Variants in MTFR1 observed in about 807,000 individuals in gnomAD.
The protein encoded by MTFR1 is chondrocyte protein with a poly-proline region.
A neutral mutation model predicts 38.8 loss-of-function variants in MTFR1; 28 were observed. The observed-to-expected ratio is 0.72, with a 90% CI of 0.53 to 0.99. The LOEUF is 0.99. MTFR1 is among the 50% of genes least tolerant of loss of function. The pLI is 0.00. For missense variants in MTFR1, 358 were observed against 395.5 expected (o/e 0.91, Z 0.81); for synonymous variants, 145 against 137.0 (o/e 1.06, Z -0.41).
chr8:65,686,735 C>T (rs898179206), intron 3 of MTFR1, among the ~76,000 whole-genome samples: 6 of 151,970 alleles, frequency 3.9e-5, no homozygotes, highest in African/African-American at 1.5e-4. Context: ...CCAGCTCGGC[C>T]ACTGTGGTGA....
At chr8:65,751,716 T>C (rs1230243646) in intron 3 of MTFR1, among the ~76,000 whole-genome samples, 1 of 152,198 alleles carries the variant, frequency 6.6e-6, no homozygotes, top group African/African-American at 2.4e-5. Flanking sequence ...GGTCTCGAAC[T>C]CCCGACCTCA....
rs140777926 is a variant in MTFR1, at chr8:65,669,994, A to G, written c.42A>G (p.Gln14=). 3.4e-3 allele frequency: 5,475 copies of G among 1,606,022 alleles called. 17 individuals carry two copies. The highest frequency in any genetic ancestry group is 4.0e-3 in the Non-Finnish European group (4,747 of 1,178,530). The stretch of plus-strand genomic sequence containing the variant: ...AGCGCCTAATTAGGATGGTTTTTCA[A>G]CAAGTTGGAGTAAGCATGCAATCGG... The part of the protein sequence containing the change: ...WIKRLIRMVF[Q]QVGVSMQSVL... Residue 14 remains glutamine, a synonymous_variant, in exon 2 of 8, where the codon CAA becomes CAG. Transcript: ENST00000262146.
chr8:65,681,073 C>T (rs1349494379), intron 2 of MTFR1, among the ~76,000 whole-genome samples: 2 of 151,518 alleles, frequency 1.3e-5, no homozygotes, highest in Admixed American at 6.6e-5. Flanking sequence ...CCACCGTGCC[C>T]GGCTAATTTT....
intron 3 of MTFR1, among the ~76,000 whole-genome samples, chr8:65,730,171 C>CTTTTTTTTTTTTTTTTTTTTTTTTTTTTT (rs1179431555): frequency 1.2e-5 from 1 of 86,448 alleles, no homozygotes; most frequent in Non-Finnish European, 2.1e-5. Flanking sequence ...TTGCGCACTT[C>CTTTTTTTTTTTTTTTTTTTTTTTTTTTTT]TTTTTTTTTT....
chr8:65,677,384 CT>C (rs771296415), intron 2 of MTFR1, among the ~76,000 whole-genome samples: 2,021 of 104,678 alleles, frequency 0.019, 33 homozygotes, highest in African/African-American at 0.063. Flanking sequence ...TTAGCTGTTT[CT>C]TTTTTTTTTT....
At chr8:65,758,865 A>T (rs1173207632) in intron 3 of MTFR1, among the ~76,000 whole-genome samples, 1 of 152,160 alleles carries the variant, frequency 6.6e-6, no homozygotes, top group Non-Finnish European at 1.5e-5. Flanking sequence ...GTAGCCCCCC[A>T]GGGCTACCAG....
rs1554545338 is a variant in MTFR1, at chr8:65,655,951, A to AATAT, written c.-81+11181_-81+11184dup. ...AGCAAGACTCTGTCTTAAAAAAAAA[A>AATAT]ATATATATATATATATACCATATAT... On this transcript the variant is annotated intron_variant, in intron 1 of 7. Coordinates refer to ENST00000262146, the MANE Select transcript of MTFR1 (RefSeq NM_014637.4). Among the ~76,000 whole-genome samples the AATAT allele has an allele frequency of 1.1e-3, 62 of 55,368 alleles. 1 individual carries two copies. Among genetic ancestry groups the AATAT allele is most frequent in the African/African-American group, 7.9e-3 (59 of 7,424 alleles). 36.3% of individuals were successfully genotyped at this position (55,368 alleles called of 152,430 possible).
chr8:65,684,629 T>C (rs142396974), intron 3 of MTFR1, among the ~76,000 whole-genome samples: 102 of 151,054 alleles, frequency 6.8e-4, no homozygotes, highest in African/African-American at 2.4e-3. Flanking sequence ...AGGTGATCCA[T>C]CCGCCTCAGG....
intron 3 of MTFR1, among the ~76,000 whole-genome samples, chr8:65,749,895 G>A (rs1367337496): frequency 6.6e-6 from 1 of 152,162 alleles, no homozygotes; most frequent in Non-Finnish European, 1.5e-5. Flanking sequence ...CTTTATTTCA[G>A]ATGAAGATAT....
chr8:65,709,107 A>G lies in MTFR1; in HGVS notation c.*63A>G. 1 of 1,457,222 alleles carries G rather than the reference A, an allele frequency of 6.9e-7. No individual in the cohort carries two copies. The allele number at this position is 1,457,222 out of a possible 1,614,324, so 90.3% of individuals were successfully genotyped here. On this transcript the variant is annotated 3_prime_UTR_variant, in exon 8 of 8. Coordinates refer to ENST00000262146, the MANE Select transcript of MTFR1 (RefSeq NM_014637.4). ...TTGATTTGTGAGGGCCAAGTTTGCT[A>G]GTAGAAATCGACACTGTTTAGTAAA...
intron 3 of MTFR1, chr8:65,724,649 T>G (rs1437047663): frequency 1.3e-6 from 1 of 794,936 alleles, no homozygotes; most frequent in Admixed American, 2.7e-5. Context: ...GTGCGCTAAT[T>G]GAAGGAAATT....
intron 1 of MTFR1, among the ~76,000 whole-genome samples, chr8:65,659,015 G>A (rs754176192): frequency 2.0e-5 from 3 of 152,096 alleles, no homozygotes; most frequent in Non-Finnish European, 4.4e-5. Flanking sequence ...GTAAGCCAGG[G>A]GAGTTCAGTA....
intron 3 of MTFR1, among the ~76,000 whole-genome samples, chr8:65,754,723 T>G (rs920264893): frequency 1.3e-5 from 2 of 150,366 alleles, no homozygotes; most frequent in Non-Finnish European, 3.0e-5. Context: ...TCCCAGCACT[T>G]TGGGAGGCTG....
chr8:65,718,997 T>A (rs1365367636), intron 2 of MTFR1: 2 of 422,712 alleles, frequency 4.7e-6, no homozygotes, highest in African/African-American at 4.0e-5. Context: ...TTTGAAAAAG[T>A]CGTGGCACAT....
intron 3 of MTFR1, among the ~76,000 whole-genome samples, chr8:65,749,932 T>C (rs566195638): frequency 3.3e-5 from 5 of 152,202 alleles, no homozygotes; most frequent in Non-Finnish European, 4.4e-5. Context: ...AGAAGGAAAA[T>C]AGCTAATGCA....
intron 3 of MTFR1, chr8:65,719,729 A>G (rs972238045): frequency 2.2e-4 from 118 of 534,840 alleles, no homozygotes; most frequent in East Asian, 6.1e-4. Flanking sequence ...ACTGACAAAT[A>G]TATCTAACCT....
downstream of MTFR1, among the ~76,000 whole-genome samples, chr8:65,774,487 A>T (rs1049395540): frequency 2.6e-5 from 4 of 152,018 alleles, no homozygotes. Context: ...CTCTTACACA[A>T]CTTTCTCTAA....
chr8:65,745,467 T>C (rs1455251253), intron 3 of MTFR1: 3 of 1,533,856 alleles, frequency 2.0e-6, no homozygotes, highest in Non-Finnish European at 2.7e-6. Flanking sequence ...TTTTCCAGCA[T>C]ACACTGAAAT....
At chr8:65,661,560 C>A (rs755624633) in intron 1 of MTFR1, among the ~76,000 whole-genome samples, 1 of 151,918 alleles carries the variant, frequency 6.6e-6, no homozygotes, top group Non-Finnish European at 1.5e-5. Flanking sequence ...GAACCTGGGA[C>A]GGGGGTTGCA....
Sources: allele counts gnomAD v4.1 joint callset (sites outside exome capture counted in the v4.1 genomes callset), GRCh38; gene constraint gnomAD v4.1.1; transcripts MANE v1.5; gene names NCBI Gene and HGNC (gene_info 2026-07-23, HGNC 2026-07-21).